The following RPTOR variants were observed in gnomAD, a reference collection of about 807,000 sequenced individuals.
The protein encoded by RPTOR is regulatory-associated protein of mTOR.
Under a neutral mutation model 169.9 loss-of-function variants are expected in RPTOR, and 21 were observed. The ratio of observed to expected loss-of-function variants is 0.12; its 90% CI spans 0.09 to 0.18. The LOEUF is 0.18. Among genes scored for constraint, RPTOR ranks in the 10% least tolerant of loss-of-function variants. The pLI, the probability that RPTOR is intolerant of heterozygous loss-of-function variation, is 1.00. For synonymous variants in RPTOR, 732 were observed against 753.2 expected (o/e 0.97, Z 0.46); for missense variants, 1,133 against 1,855.9 (o/e 0.61, Z 7.16).
At chr17:80,950,334 A>T (rs976156044) in intron 28 of RPTOR, among the ~76,000 whole-genome samples, 1 of 151,890 alleles carries the variant, frequency 6.6e-6, no homozygotes, top group Non-Finnish European at 1.5e-5. Context: ...ATGTGGCCTT[A>T]CACCTCGTGG....
chr17:80,927,929 CTG>C, intron 24 of RPTOR, among the ~76,000 whole-genome samples: 1 of 152,196 alleles, frequency 6.6e-6, no homozygotes, highest in South Asian at 2.1e-4. Context: ...GCAGGTCCTG[CTG>C]TGTGGACACT....
chr17:80,587,625 A>G (rs990990482), intron 1 of RPTOR, among the ~76,000 whole-genome samples: 5 of 152,112 alleles, frequency 3.3e-5, no homozygotes, highest in Non-Finnish European at 7.3e-5. Context: ...GTGGGTATGT[A>G]TTATATCATG....
intron 10 of RPTOR, among the ~76,000 whole-genome samples, chr17:80,842,974 C>T (rs1189557223): frequency 6.6e-6 from 1 of 152,218 alleles, no homozygotes; most frequent in Non-Finnish European, 1.5e-5. Flanking sequence ...TTCTTTGCAC[C>T]AGGACCACAC....
chr17:80,792,148 C>T (rs1159915008), intron 7 of RPTOR, among the ~76,000 whole-genome samples: 5 of 152,038 alleles, frequency 3.3e-5, no homozygotes, highest in Non-Finnish European at 1.5e-5. Flanking sequence ...GTTTGTGCAC[C>T]GGATTCATCG....
At chr17:80,596,167 T>C (rs538662584) in intron 1 of RPTOR, among the ~76,000 whole-genome samples, 1 of 145,714 alleles carries the variant, frequency 6.9e-6, no homozygotes, top group South Asian at 2.2e-4. Context: ...ATTTACATTT[T>C]ATTTTAAGAA....
chr17:80,903,860 T>C (rs945013340), intron 20 of RPTOR, among the ~76,000 whole-genome samples: 1 of 152,204 alleles, frequency 6.6e-6, no homozygotes, highest in Non-Finnish European at 1.5e-5. Context: ...GCAGGGTTTT[T>C]GCCAAAGGAA....
intron 6 of RPTOR, among the ~76,000 whole-genome samples, chr17:80,783,364 A>G (rs2066960057): frequency 6.6e-6 from 1 of 152,232 alleles, no homozygotes; most frequent in Non-Finnish European, 1.5e-5. Flanking sequence ...TGAACCCTGT[A>G]TATATTAAAT....
At chr17:80,933,446 T>C (rs2068921402) in intron 24 of RPTOR, among the ~76,000 whole-genome samples, 2 of 152,168 alleles carry the variant, frequency 1.3e-5, no homozygotes, top group African/African-American at 4.8e-5. Flanking sequence ...GTAAGACTTG[T>C]ACTGAAACAT....
rs1419861975 is a variant in RPTOR, at chr17:80,609,602, G to A, written c.163-16089G>A. ...TCTACTAAAAATAGAAAAATTAGCC[G>A]GGCATGATGGCGCACGCCTGTAATT... On this transcript the variant is annotated intron_variant, in intron 1 of 33. Transcript: ENST00000306801. This position sits in a 1 kb window ranked among gnomAD's most constrained non-coding sequence, Gnocchi z 4.8. 2.6e-5 allele frequency among the ~76,000 whole-genome samples: 4 copies of A among 152,088 alleles called. No individual in the cohort carries two copies. Among genetic ancestry groups the A allele is most frequent in the African/African-American group, 7.2e-5 (3 of 41,398 alleles).
At chr17:80,634,906 CGTGTGCATACTGT>C (rs2065493956) in intron 2 of RPTOR, among the ~76,000 whole-genome samples, 1 of 146,196 alleles carries the variant, frequency 6.8e-6, no homozygotes, top group South Asian at 2.2e-4. Flanking sequence ...ATAGTGTGTG[CGTGTGCATACTGT>C]GTGTGCATAC....
In RPTOR at chr17:80,730,514, A is replaced by G; in HGVS notation, c.508-46A>G. 1 of 1,602,070 alleles carries G rather than the reference A, an allele frequency of 6.2e-7. No homozygotes were observed. The highest frequency in any genetic ancestry group is 8.5e-7 in the Non-Finnish European group (1 of 1,170,006). On this transcript the variant is annotated intron_variant, in intron 4 of 33. Transcript: ENST00000306801. The surrounding 1 kb of genome is among the most constrained non-coding windows in gnomAD (Gnocchi z 4.2). ...GGTGCAGTACTCACCAGCAGCCCAT[A>G]TTCCTGAGACGCACATGTAACGAGC...
chr17:80,643,027 G>T (rs1020847657), intron 2 of RPTOR, among the ~76,000 whole-genome samples: 2 of 152,172 alleles, frequency 1.3e-5, no homozygotes, highest in Non-Finnish European at 2.9e-5. Context: ...TTTTTAAAAT[G>T]AATGAAGAAA....
intron 6 of RPTOR, among the ~76,000 whole-genome samples, chr17:80,770,173 C>T (rs547789879): frequency 2.2e-4 from 34 of 152,296 alleles, no homozygotes; most frequent in African/African-American, 8.2e-4. Context: ...CCTCACATAG[C>T]AGAAGGCAGA....
chr17:80,903,475 A>T (rs2068502469), intron 20 of RPTOR, among the ~76,000 whole-genome samples: 1 of 152,220 alleles, frequency 6.6e-6, no homozygotes, highest in Non-Finnish European at 1.5e-5. Context: ...TCAGCCGCAC[A>T]CATTGCGGCC....
rs1193098077 is a variant in RPTOR at position 80,633,848 on chromosome 17, C to A, written c.265+8055C>A. Among the ~76,000 whole-genome samples the A allele has an allele frequency of 9.2e-5, 14 of 152,258 alleles. No individual in the cohort carries two copies. In the South Asian group the frequency reaches 2.9e-3, roughly 32 times the overall value. On this transcript the variant is annotated intron_variant, in intron 2 of 33. Transcript: ENST00000306801. The surrounding 1 kb of genome is among the most constrained non-coding windows in gnomAD (Gnocchi z 4.1). Reference sequence around the variant, plus strand: ...TTGTCTCCCTCTGGTTGTTGGGAACCCATTGGGCCGGCTTCTTTGGCTTCT... The same window carrying A: ...TTGTCTCCCTCTGGTTGTTGGGAACACATTGGGCCGGCTTCTTTGGCTTCT...
At chr17:80,842,433 TC>T (rs1280036677) in intron 10 of RPTOR, among the ~76,000 whole-genome samples, 2 of 152,158 alleles carry the variant, frequency 1.3e-5, no homozygotes, top group African/African-American at 4.8e-5. Context: ...GCTCCCTCCT[TC>T]ACATTTCTCG....
intron 29 of RPTOR, among the ~76,000 whole-genome samples, chr17:80,958,267 CT>C (rs2069282349): frequency 6.9e-6 from 1 of 145,030 alleles, no homozygotes; most frequent in South Asian, 2.3e-4. Flanking sequence ...ATTTTTTTAA[CT>C]TTTTGTAGAA....
rs183009287 is a variant in RPTOR, at chr17:80,877,164, G to A, written c.1510-3251G>A. On this transcript the variant is annotated intron_variant, in intron 13 of 33. Transcript: ENST00000306801. ...GGTTTCAAGTCTTGTTTCCTCTTCT[G>A]TTTAACGAGGCCCTTGGTCTAAGTG... 4.9e-3 allele frequency among the ~76,000 whole-genome samples: 752 copies of A among 152,324 alleles called. 5 individuals carry two copies. The highest frequency in any genetic ancestry group is 0.034 in the Middle Eastern group (10 of 294).
chr17:80,832,988 C>T (rs963617844), intron 9 of RPTOR, among the ~76,000 whole-genome samples: 3 of 152,136 alleles, frequency 2.0e-5, no homozygotes, highest in Non-Finnish European at 4.4e-5. Context: ...TACTCAGAGC[C>T]GGCTTTCTGT....
Sources: allele counts gnomAD v4.1 joint callset (sites outside exome capture counted in the v4.1 genomes callset), GRCh38; gene constraint gnomAD v4.1.1; non-coding constraint Gnocchi (gnomAD v3.1); transcripts MANE v1.5; gene names NCBI Gene and HGNC (gene_info 2026-07-23, HGNC 2026-07-21).